ROS1: variants seen among roughly 807,000 people sequenced by gnomAD.
The protein encoded by ROS1 is ROS proto-oncogene 1, receptor tyrosine kinase, also known as proto-oncogene tyrosine-protein kinase ROS.
ROS1 carries 263 observed loss-of-function variants against 273.5 expected under a neutral mutation model. That is an observed-to-expected ratio of 0.96 (90% CI 0.87 to 1.06). The LOEUF is 1.06. ROS1 is among the 50% of genes least tolerant of loss of function. ROS1 has a pLI of 0.00. For missense variants in ROS1, 2,833 were observed against 2,751.1 expected, an observed-to-expected ratio of 1.03 and a Z score of -0.67; for synonymous variants, 1,008 against 954.1, an observed-to-expected ratio of 1.06 and a Z score of -1.04.
chr6:117,353,075 T>G lies in ROS1; in HGVS notation c.4218A>C (p.Lys1406Asn). ...KDSTQIYQAK[K>N]GNGAIVSQVK... ...CCTGGGAAACGATGGCCCCATTTCC[T>G]TTCTTTGCCTGATAAATCTGTGTGC... is the stretch of plus-strand genomic sequence containing the variant. Residue 1406 changes from lysine (K) to asparagine (N), a missense_variant, in exon 27 of 44, where the codon AAA (lysine) becomes AAC (asparagine). Transcript: ENST00000368507. 1 of 1,614,152 alleles carries G rather than the reference T, an allele frequency of 6.2e-7. No individual in the cohort carries two copies. Among genetic ancestry groups the G allele is most frequent in the Non-Finnish European group, 8.5e-7 (1 of 1,179,986 alleles).
intron 22 of ROS1, among the ~76,000 whole-genome samples, chr6:117,362,030 CTATAATA>C (rs1779842596): frequency 6.6e-6 from 1 of 152,024 alleles, no homozygotes. Context: ...GTATGTACAA[CTATAATA>C]TATATCAATA....
chr6:117,288,751 G>A lies in ROS1; in HGVS notation c.6767C>T (p.Ala2256Val), dbSNP rs2128521265. ...CLNSDDIMPV[A>V]LMETKNREGL... ...TTCTCGGTTCTTCGTTTCCATTAAA[G>A]CAACTGGCATAATGTCATCTGAATT... is the stretch of plus-strand genomic sequence containing the variant. Residue 2256 changes from alanine (A) to valine (V), a missense_variant, in exon 44 of 44, where the codon GCT (alanine) becomes GTT (valine). Physicochemically the swap from Ala to Val is moderately conservative, Grantham distance 64. Transcript: ENST00000368507. The A allele has an allele frequency of 6.2e-7, 1 of 1,613,646 alleles. No homozygotes were observed.
At chr6:117,397,858 C>A (rs1409923942) in intron 7 of ROS1, among the ~76,000 whole-genome samples, 1 of 152,208 alleles carries the variant, frequency 6.6e-6, no homozygotes, top group African/African-American at 2.4e-5. Flanking sequence ...TCAAACCAAA[C>A]CCCTAAAACC....
At chr6:117,316,595 C>A (rs955328083) in intron 39 of ROS1, among the ~76,000 whole-genome samples, 3 of 151,930 alleles carry the variant, frequency 2.0e-5, no homozygotes, top group Non-Finnish European at 4.4e-5. Context: ...AGAAGGACTG[C>A]GGCTGCGTTT....
intron 6 of ROS1, 142 bp downstream of exon 6, chr6:117,404,138 G>T: frequency 1.3e-6 from 1 of 741,538 alleles, no homozygotes; most frequent in Non-Finnish European, 2.2e-6. Context: ...GGAGAATGGT[G>T]TGAACCCAAG....
rs148497746 is a variant in ROS1 at position 117,374,803 on chromosome 6, G to C, written c.2582+4256C>G. Among the ~76,000 whole-genome samples the C allele has an allele frequency of 7.5e-4, 114 of 152,246 alleles. 2 individuals carry two copies. In the East Asian group the frequency reaches 0.015, roughly 20 times the overall value. The stretch of plus-strand genomic sequence containing the variant: ...AAAAAGCAAACCATCTCAAATAATA[G>C]ATGTTGGCATGGATGTGGTGAAGAG... On this transcript the variant is annotated intron_variant, in intron 18 of 43. Coordinates refer to ENST00000368507, the MANE Select transcript of ROS1 (RefSeq NM_001378902.1).
chr6:117,405,862 G>A (rs7771211), intron 5 of ROS1, among the ~76,000 whole-genome samples: 81,347 of 152,030 alleles, frequency 0.54, 22,458 homozygotes, highest in African/African-American at 0.67. Flanking sequence ...AAGCAAGTAT[G>A]TAAACTTTGT....
chr6:117,385,943 C>A (rs1449017799), intron 15 of ROS1, 82 bp from the exon 16 acceptor site: 2 of 1,054,414 alleles, frequency 1.9e-6, no homozygotes, highest in Admixed American at 3.8e-5. Context: ...ACATCTGCAC[C>A]TCAACATAAT....
At position 117,305,832 on chromosome 6, in the gene ROS1, C is replaced by T. The variant is rs560179482; in HGVS notation, c.6551+2962G>A. On this transcript the variant is annotated intron_variant, in intron 42 of 43. Coordinates refer to ENST00000368507, the MANE Select transcript of ROS1 (RefSeq NM_001378902.1). ...TTCTATATCATGCAGTGTATACTCG[C>T]ACCAAGTTATAGTTACAAATATTCA... 2.6e-5 allele frequency among the ~76,000 whole-genome samples: 4 copies of T among 152,238 alleles called. No individual in the cohort carries two copies. The South Asian group carries it at 8.3e-4, about 32-fold the overall frequency.
At chr6:117,394,760 G>A (rs760394915) in intron 9 of ROS1, 22 bp from the exon 10 acceptor site, 3 of 1,597,736 alleles carry the variant, frequency 1.9e-6, no homozygotes, top group Non-Finnish European at 2.6e-6. Flanking sequence ...AACACAATTT[G>A]CAGACAGGTA....
At position 117,414,558 on chromosome 6, in the gene ROS1, A is replaced by G. The variant is rs778604302; in HGVS notation, c.229-13T>C. Reference sequence around the variant, plus strand: ...CATAAGTATCATTCTGCATAGAAAAAAAAAAAGACTACTTAAAATCTTGAA... The same window carrying G: ...CATAAGTATCATTCTGCATAGAAAAGAAAAAAGACTACTTAAAATCTTGAA... On this transcript the variant is annotated splice_polypyrimidine_tract_variant and intron_variant, in intron 3 of 43. Coordinates refer to ENST00000368507, the MANE Select transcript of ROS1 (RefSeq NM_001378902.1). The G allele has an allele frequency of 1.1e-5, 8 of 723,984 alleles. No homozygotes were observed. The South Asian group carries it at 1.3e-4, about 11-fold the overall frequency. The allele number at this position is 723,984 out of a possible 1,614,324, so 44.8% of individuals were successfully genotyped here.
intron 26 of ROS1, among the ~76,000 whole-genome samples, chr6:117,353,863 A>C (rs1056466349): frequency 2.6e-5 from 4 of 152,206 alleles, no homozygotes; most frequent in African/African-American, 9.7e-5. Context: ...TTTGGCTACA[A>C]CAAAAAGAAG....
rs1422133279 is a variant in ROS1, at chr6:117,403,292, GA to G, written c.466-16del. On this transcript the variant is annotated splice_polypyrimidine_tract_variant and intron_variant, in intron 6 of 43. Transcript: ENST00000368507. The stretch of plus-strand genomic sequence containing the variant: ...CTGGACACAGTCTAGATCAAGGAGT[GA>G]TCAATCATCAGCATTATAGAATCAG... 5.0e-6 allele frequency: 8 copies of G among 1,609,266 alleles called. No homozygotes were observed. The African/African-American group carries it at 1.1e-4, about 22-fold the overall frequency.
In ROS1 at chr6:117,425,382, TTA is replaced by T. The variant is rs1252544773; in HGVS notation, c.123+150_123+151del. 7 of 654,642 alleles carry T rather than the reference TTA, an allele frequency of 1.1e-5. No individual in the cohort carries two copies. In the Admixed American group the frequency reaches 1.9e-4, roughly 17 times the overall value. 40.6% of individuals were successfully genotyped at this position (654,642 alleles called of 1,614,324 possible). On this transcript the variant is annotated intron_variant, in intron 1 of 43. Coordinates refer to ENST00000368507, the MANE Select transcript of ROS1 (RefSeq NM_001378902.1). ...TTCTGCAATTATAAGGGCTCCTAAC[TTA>T]TTTAAGAAAAAATAATCTATCTTGC...
At chr6:117,298,132 CAT>C (rs1251073123) in intron 43 of ROS1, among the ~76,000 whole-genome samples, 5 of 152,124 alleles carry the variant, frequency 3.3e-5, no homozygotes, top group Non-Finnish European at 5.9e-5. Context: ...AGAAATATCA[CAT>C]GTTCTCACTC....
rs112579656 is a variant in ROS1, at chr6:117,356,548, C to T, written c.4126+81G>A. ...TATCATGTGTATATTTGAGTATACG[C>T]GGAATGCAAGCCCTTTGTAAATGCA... On this transcript the variant is annotated intron_variant, in intron 26 of 43. Coordinates refer to ENST00000368507, the MANE Select transcript of ROS1 (RefSeq NM_001378902.1). 1.8e-4 allele frequency: 226 copies of T among 1,246,788 alleles called. 4 individuals are homozygous for T. The highest frequency in any genetic ancestry group is 1.1e-3 in the South Asian group (79 of 69,756). The allele number at this position is 1,246,788 out of a possible 1,614,324, so 77.2% of individuals were successfully genotyped here. A position where few individuals can be genotyped will look rare whatever the true frequency, so the allele number is the denominator to read the frequency against.
intron 16 of ROS1, among the ~76,000 whole-genome samples, chr6:117,383,728 G>A (rs1772345178): frequency 6.6e-6 from 1 of 152,158 alleles, no homozygotes; most frequent in African/African-American, 2.4e-5. Context: ...CTGTTTTCAT[G>A]CCTCCAAAGA....
At chr6:117,358,160 G>A in intron 24 of ROS1, 151 bp from the exon 25 acceptor site, 1 of 587,892 alleles carries the variant, frequency 1.7e-6, no homozygotes, top group Non-Finnish European at 3.0e-6. Flanking sequence ...TTGTAACATG[G>A]GCACTGTTCT....
In ROS1 at chr6:117,366,098, C is replaced by A; in HGVS notation, c.2775G>T (p.Gln925His). 1 of 1,614,006 alleles carries A rather than the reference C, an allele frequency of 6.2e-7. No individual in the cohort carries two copies. Among genetic ancestry groups the A allele is most frequent in the Non-Finnish European group, 8.5e-7 (1 of 1,179,876 alleles). ...TACCTGGCAGGGGCTTAAGGGATGT[C>A]TGAATAATTGTGAACTGATTAAATC... ...PARFNQFTII[Q>H]TSLKPLPGNF... is the part of the protein sequence containing the mutation. The change falls in exon 19 of 44, where the codon CAG (glutamine) becomes CAT (histidine). Residue 925 changes from glutamine to histidine, a missense_variant. Gln to His is a conservative substitution (Grantham distance 24). Transcript: ENST00000368507.
Sources: gnomAD v4.1 joint callset for allele counts (sites outside exome capture counted in the v4.1 genomes callset) on GRCh38, gnomAD v4.1.1 for gene constraint, MANE v1.5 for transcripts, NCBI Gene and HGNC (gene_info 2026-07-23, HGNC 2026-07-21) for gene names.